The following MPZL1 variants were observed in gnomAD, a reference collection of about 807,000 sequenced individuals.
MPZL1 encodes the protein myelin protein zero-like protein 1.
MPZL1 carries 16 observed loss-of-function variants against 29.3 expected under a neutral mutation model. That is an observed-to-expected ratio of 0.55 (90% CI 0.37 to 0.83). The LOEUF is 0.83. Ranked by LOEUF, MPZL1 falls within the 40% of genes least tolerant of loss-of-function variation. MPZL1 has a pLI of 0.00. For synonymous variants in MPZL1, 143 were observed against 132.0 expected (o/e 1.08, Z -0.57); for missense variants, 279 against 332.9 (o/e 0.84, Z 1.26).
At chr1:167,726,738 A>G (rs1466967802) in intron 1 of MPZL1, among the ~76,000 whole-genome samples, 1 of 152,246 alleles carries the variant, frequency 6.6e-6, no homozygotes, top group African/African-American at 2.4e-5. Context: ...CAGGATATCC[A>G]CTAGGCTTAG....
At chr1:167,760,470 T>C (rs1256834537) in intron 1 of MPZL1, among the ~76,000 whole-genome samples, 1 of 152,142 alleles carries the variant, frequency 6.6e-6, no homozygotes, top group Non-Finnish European at 1.5e-5. Flanking sequence ...CCCAAAGTGC[T>C]GGGATTACAA....
intron 1 of MPZL1, among the ~76,000 whole-genome samples, chr1:167,733,535 A>G (rs971696751): frequency 2.0e-5 from 3 of 151,964 alleles, no homozygotes; most frequent in African/African-American, 7.3e-5. Context: ...GCTTGAGGTC[A>G]GGAGTTCAAG....
rs564632291 is a variant in MPZL1 at position 167,751,708 on chromosome 1, A to G, written c.92-13875A>G. On this transcript the variant is annotated intron_variant, in intron 1 of 5. Transcript: ENST00000359523. ...AAAAGAAAAGAAATTAAATGTATGCAATACTTAGTTTTTAAAAATATCCCT... is the reference window on the plus strand; with the variant it reads ...AAAAGAAAAGAAATTAAATGTATGCGATACTTAGTTTTTAAAAATATCCCT... Among the ~76,000 whole-genome samples, 152 of 152,128 alleles carry G rather than the reference A, an allele frequency of 1.0e-3. 1 individual carries two copies. Among genetic ancestry groups the G allele is most frequent in the African/African-American group, 3.5e-3 (146 of 41,514 alleles).
intron 3 of MPZL1, 31 bp downstream of exon 3, chr1:167,772,519 T>C: frequency 6.4e-7 from 1 of 1,557,072 alleles, no homozygotes; most frequent in Non-Finnish European, 8.8e-7. Flanking sequence ...GCAGTAATAA[T>C]GCAGTCTCCT....
chr1:167,736,010 C>T (rs1366010971), intron 1 of MPZL1, among the ~76,000 whole-genome samples: 1 of 152,194 alleles, frequency 6.6e-6, no homozygotes, highest in African/African-American at 2.4e-5. Context: ...CTATTTGACA[C>T]TTTGATAAAG....
intron 2 of MPZL1, among the ~76,000 whole-genome samples, chr1:167,767,853 CATTTT>C (rs1310415450): frequency 9.5e-4 from 79 of 83,366 alleles, no homozygotes; most frequent in Non-Finnish European, 1.4e-3. Flanking sequence ...GTTTTGTAAT[CATTTT>C]GTTTTGTTTT....
rs530159335 is a variant in MPZL1 at position 167,769,786 on chromosome 1, G to T, written c.259-2489G>T. 2.0e-5 allele frequency among the ~76,000 whole-genome samples: 3 copies of T among 152,338 alleles called. No homozygotes were observed. In the South Asian group the frequency reaches 6.2e-4, roughly 32 times the overall value. Reference sequence around the variant, plus strand: ...TGATCATTTAGGCATTGTGGAAGATGATGAGTTAGACATACCAGTTAAGAG... The same window carrying T: ...TGATCATTTAGGCATTGTGGAAGATTATGAGTTAGACATACCAGTTAAGAG... On this transcript the variant is annotated intron_variant, in intron 2 of 5. Transcript: ENST00000359523.
intron 5 of MPZL1, 96 bp from the exon 6 acceptor site, chr1:167,787,724 C>T: frequency 1.1e-6 from 1 of 876,140 alleles, no homozygotes; most frequent in East Asian, 2.4e-5. Context: ...TGCTTTGGAA[C>T]CCTGATGTGA....
intron 1 of MPZL1, among the ~76,000 whole-genome samples, chr1:167,755,966 A>G (rs138291079): frequency 7.9e-5 from 12 of 152,314 alleles, no homozygotes; most frequent in Non-Finnish European, 1.5e-4. Flanking sequence ...AGGGCTTTAG[A>G]GTCAAGTGAT....
intron 1 of MPZL1, among the ~76,000 whole-genome samples, chr1:167,761,904 C>A (rs2101778703): frequency 1.3e-5 from 2 of 152,154 alleles, no homozygotes; most frequent in Middle Eastern, 3.4e-3. Context: ...ATAATGGTGG[C>A]CTATGGGGTT....
At chr1:167,752,721 CTT>C (rs1350258217) in intron 1 of MPZL1, among the ~76,000 whole-genome samples, 1 of 152,166 alleles carries the variant, frequency 6.6e-6, no homozygotes, top group African/African-American at 2.4e-5. Flanking sequence ...AATCAATACT[CTT>C]TTGCCAGATT....
intron 1 of MPZL1, among the ~76,000 whole-genome samples, chr1:167,747,300 A>C (rs1388346270): frequency 6.6e-6 from 1 of 152,144 alleles, no homozygotes; most frequent in African/African-American, 2.4e-5. Context: ...AGCTCACAGC[A>C]GCCTCAACTA....
chr1:167,729,414 G>C (rs1010758069), intron 1 of MPZL1, among the ~76,000 whole-genome samples: 5 of 152,176 alleles, frequency 3.3e-5, no homozygotes, highest in Admixed American at 3.3e-4. Context: ...AACTTGAAAA[G>C]ATGAAAAGTT....
At position 167,789,696 on chromosome 1, in the gene MPZL1, C is replaced by T. The variant is rs1661667716; in HGVS notation, c.*1775C>T. ...TGAGTCAACAGGGATCAGGTTTGGTCACCACACATGTCTGAAGCTGGGCAG... is the reference window on the plus strand; with the variant it reads ...TGAGTCAACAGGGATCAGGTTTGGTTACCACACATGTCTGAAGCTGGGCAG... On this transcript the variant is annotated 3_prime_UTR_variant, in exon 6 of 6. Transcript: ENST00000359523. The T allele has an allele frequency of 6.6e-6, 1 of 152,192 alleles. No individual in the cohort carries two copies. The highest frequency in any genetic ancestry group is 2.1e-4 in the South Asian group (1 of 4,816). The allele number at this position is 152,192 out of a possible 1,614,324, so 9.4% of individuals were successfully genotyped here.
chr1:167,761,395 T>C (rs74120658), intron 1 of MPZL1, among the ~76,000 whole-genome samples: 209 of 152,322 alleles, frequency 1.4e-3, no homozygotes, highest in African/African-American at 4.4e-3. Flanking sequence ...AGATGCAATG[T>C]GCAGTGGAGA....
At chr1:167,756,058 G>A (rs937574225) in intron 1 of MPZL1, among the ~76,000 whole-genome samples, 4 of 152,286 alleles carry the variant, frequency 2.6e-5, no homozygotes, top group African/African-American at 9.6e-5. Context: ...GTACAAAAAA[G>A]GTTAAGGATA....
intron 5 of MPZL1, among the ~76,000 whole-genome samples, chr1:167,782,014 A>G (rs1661506955): frequency 6.6e-6 from 1 of 152,010 alleles, no homozygotes; most frequent in African/African-American, 2.4e-5. Flanking sequence ...TGTGTATTAT[A>G]CTTTCTCTAT....
At chr1:167,729,110 T>TA (rs1022238479) in intron 1 of MPZL1, among the ~76,000 whole-genome samples, 23 of 146,720 alleles carry the variant, frequency 1.6e-4, no homozygotes, top group Admixed American at 4.8e-4. Context: ...TTACTGAAAA[T>TA]AAAAAAAAAA....
chr1:167,727,781 A>G (rs149929608), intron 1 of MPZL1, among the ~76,000 whole-genome samples: 50 of 152,296 alleles, frequency 3.3e-4, no homozygotes, highest in African/African-American at 1.1e-3. Flanking sequence ...ACCATAGTGC[A>G]TAAATTGAGA....
Sources: gnomAD v4.1 joint callset for allele counts (sites outside exome capture counted in the v4.1 genomes callset) on GRCh38, gnomAD v4.1.1 for gene constraint, MANE v1.5 for transcripts, NCBI Gene and HGNC (gene_info 2026-07-23, HGNC 2026-07-21) for gene names.